PALD1: variants seen among roughly 807,000 people sequenced by gnomAD.
The protein encoded by PALD1 is phosphatase domain containing paladin 1.
PALD1 carries 57 observed loss-of-function variants against 96.0 expected under a neutral mutation model. The observed-to-expected ratio is 0.59, with a 90% confidence interval of 0.48 to 0.74. The LOEUF is 0.74. Ranked by LOEUF, PALD1 falls within the 30% of genes least tolerant of loss-of-function variation. The probability of loss-of-function intolerance (pLI) is 0.00; values close to 1 mark genes in which losing one functional copy is unlikely to be tolerated. For missense variants in PALD1, 1,063 were observed against 1,143.7 expected, an observed-to-expected ratio of 0.93 and a Z score of 1.02; for synonymous variants, 464 against 473.6, an observed-to-expected ratio of 0.98 and a Z score of 0.26.
intron 1 of PALD1, among the ~76,000 whole-genome samples, chr10:70,515,698 T>C (rs1307217323): frequency 6.6e-6 from 1 of 152,116 alleles, no homozygotes; most frequent in Non-Finnish European, 1.5e-5. Context: ...ACTGATTTCA[T>C]CTTTATACGG....
chr10:70,541,143 C>G lies in PALD1; in HGVS notation c.1950C>G (p.Ser650=). The G allele has an allele frequency of 6.2e-7, 1 of 1,613,812 alleles. No homozygotes were observed. Among genetic ancestry groups the G allele is most frequent in the Non-Finnish European group, 8.5e-7 (1 of 1,179,824 alleles). Residue 650 remains serine (S), a synonymous_variant, in exon 16 of 20, where the codon TCC becomes TCG. Transcript: ENST00000263563. ...TGGAGGCCCTGCGGGCCGCCCTCTCCAAGGACCCAGGCACTGGCTTCGTGT... is the reference window on the plus strand; with the variant it reads ...TGGAGGCCCTGCGGGCCGCCCTCTCGAAGGACCCAGGCACTGGCTTCGTGT... The part of the protein sequence containing the change: ...QLLEALRAAL[S]KDPGTGFVFS...
At chr10:70,498,095 C>T (rs2132285798) in intron 1 of PALD1, among the ~76,000 whole-genome samples, 1 of 152,228 alleles carries the variant, frequency 6.6e-6, no homozygotes. Flanking sequence ...CCCTCTCCTC[C>T]AGGCCCTGGC....
At chr10:70,508,217 A>G (rs1387178412) in intron 1 of PALD1, among the ~76,000 whole-genome samples, 2 of 152,194 alleles carry the variant, frequency 1.3e-5, no homozygotes, top group Non-Finnish European at 2.9e-5. Flanking sequence ...GGAATATGTC[A>G]AGGATCTTCA....
At chr10:70,505,075 C>T (rs896722274) in intron 1 of PALD1, among the ~76,000 whole-genome samples, 1 of 152,222 alleles carries the variant, frequency 6.6e-6, no homozygotes, top group Non-Finnish European at 1.5e-5. Context: ...AATGTGGATA[C>T]ATTTCATGTC....
chr10:70,506,314 C>T (rs1488821048), intron 1 of PALD1, among the ~76,000 whole-genome samples: 1 of 152,164 alleles, frequency 6.6e-6, no homozygotes, highest in Non-Finnish European at 1.5e-5. Flanking sequence ...GCAGTTTCAC[C>T]CCCTTCATGG....
At chr10:70,519,970 C>T (rs2132337705) in intron 1 of PALD1, among the ~76,000 whole-genome samples, 1 of 152,232 alleles carries the variant, frequency 6.6e-6, no homozygotes, top group South Asian at 2.1e-4. Flanking sequence ...TCTGAATCTG[C>T]TTTTTGGGGG....
At chr10:70,476,713 C>G (rs1417116722), upstream of PALD1, among the ~76,000 whole-genome samples, 1 of 152,060 alleles carries the variant, frequency 6.6e-6, no homozygotes, top group Non-Finnish European at 1.5e-5. Context: ...AGAACACCTA[C>G]TGTGTGTGTG....
chr10:70,520,939 G>A (rs112520896), intron 1 of PALD1, among the ~76,000 whole-genome samples: 4,756 of 152,128 alleles, frequency 0.031, 153 homozygotes, highest in African/African-American at 0.082. Context: ...TGATCCGCCC[G>A]CCTCAGCCTC....
At chr10:70,542,514 A>G (rs1032033287) in intron 17 of PALD1, among the ~76,000 whole-genome samples, 1 of 152,190 alleles carries the variant, frequency 6.6e-6, no homozygotes, top group Admixed American at 6.5e-5. Context: ...ATCTTCTATG[A>G]GTGGAATCGT....
At chr10:70,467,046 C>T in the PALD1 span, among the ~76,000 whole-genome samples, 23 of 152,182 alleles carry the variant, frequency 1.5e-4, no homozygotes, top group Admixed American at 1.3e-4. Context: ...CAACTCCTGA[C>T]GGGCGGGCCT....
At chr10:70,470,596 TA>T in the PALD1 span, among the ~76,000 whole-genome samples, 3 of 148,030 alleles carry the variant, frequency 2.0e-5, no homozygotes, top group African/African-American at 7.3e-5. Flanking sequence ...ATATAATAAA[TA>T]ATATTATTTT....
chr10:70,535,562 CT>C (rs1847096398), intron 10 of PALD1, among the ~76,000 whole-genome samples: 1 of 146,582 alleles, frequency 6.8e-6, no homozygotes, highest in African/African-American at 2.5e-5. Flanking sequence ...CTTCCTCCTC[CT>C]TCTCTTCCTT....
intron 17 of PALD1, among the ~76,000 whole-genome samples, chr10:70,542,061 C>T (rs1206696224): frequency 6.6e-6 from 1 of 152,152 alleles, no homozygotes; most frequent in Non-Finnish European, 1.5e-5. Flanking sequence ...TCGGAGTTGG[C>T]CCATGGCTGA....
In PALD1 at chr10:70,539,159, G is replaced by A. The variant is rs893355354; in HGVS notation, c.1637G>A (p.Ser546Asn). 3 of 1,613,508 alleles carry A rather than the reference G, an allele frequency of 1.9e-6. No individual in the cohort carries two copies. The South Asian group carries it at 3.3e-5, about 18-fold the overall frequency. Reference protein sequence around the residue: ...KRRLRKVVWVSLREEAVLECD... With the variant: ...KRRLRKVVWVNLREEAVLECD... ...AGGCTGCGGAAGGTTGTCTGGGTGAGCCTTCGGGAGGAGGCCGTGTTGGAG... is the reference window on the plus strand; with the variant it reads ...AGGCTGCGGAAGGTTGTCTGGGTGAACCTTCGGGAGGAGGCCGTGTTGGAG... Residue 546 changes from serine to asparagine, a missense_variant, in exon 14 of 20, where the codon AGC (serine) becomes AAC (asparagine). By Grantham distance (46) the Ser-to-Asn change is conservative (BLOSUM62 1). Transcript: ENST00000263563. This position sits in a 1 kb window ranked among gnomAD's most constrained non-coding sequence, Gnocchi z 4.5.
At chr10:70,469,562 C>T in the PALD1 span, among the ~76,000 whole-genome samples, 10 of 152,060 alleles carry the variant, frequency 6.6e-5, no homozygotes, top group Non-Finnish European at 1.0e-4. Flanking sequence ...GGCTGGGTTC[C>T]CCTGGGCCAC....
the PALD1 span, among the ~76,000 whole-genome samples, chr10:70,464,456 CA>C: frequency 6.6e-6 from 1 of 151,414 alleles, no homozygotes; most frequent in Non-Finnish European, 1.5e-5. Context: ...TCAGGTGATC[CA>C]GCCACCTCGG....
chr10:70,549,588 C>T (rs561738058), intron 18 of PALD1, among the ~76,000 whole-genome samples: 2 of 152,252 alleles, frequency 1.3e-5, no homozygotes, highest in Non-Finnish European at 2.9e-5. Context: ...GAAGGCGCAT[C>T]AGGTGGGAGG....
At chr10:70,542,594 A>G (rs1847274099) in intron 17 of PALD1, among the ~76,000 whole-genome samples, 1 of 152,224 alleles carries the variant, frequency 6.6e-6, no homozygotes, top group African/African-American at 2.4e-5. Flanking sequence ...CCACATTGTA[A>G]TATGTGTCAG....
intron 18 of PALD1, among the ~76,000 whole-genome samples, chr10:70,552,230 C>A (rs1438874599): frequency 6.6e-6 from 1 of 152,184 alleles, no homozygotes; most frequent in East Asian, 1.9e-4. Context: ...GCTGAGGAGC[C>A]CTTACATCAT....
Sources: gnomAD v4.1 joint callset for allele counts (sites outside exome capture counted in the v4.1 genomes callset) on GRCh38, gnomAD v4.1.1 for gene constraint, Gnocchi (gnomAD v3.1) non-coding constraint, MANE v1.5 for transcripts, NCBI Gene and HGNC (gene_info 2026-07-23, HGNC 2026-07-21) for gene names.